HSP90B1: variants seen among roughly 807,000 people sequenced by gnomAD.
The protein encoded by HSP90B1 is endoplasmin.
In HSP90B1, 27 loss-of-function variants were observed where a neutral mutation model predicts 100.4. That is an observed-to-expected ratio of 0.27 (90% CI 0.20 to 0.37). The LOEUF (loss-of-function observed/expected upper bound fraction) is 0.37, where lower values mean the gene tolerates loss of function less well. Ranked by LOEUF, HSP90B1 falls within the 10% of genes least tolerant of loss-of-function variation. HSP90B1 has a pLI of 1.00. For synonymous variants in HSP90B1, 304 were observed against 330.8 expected (o/e 0.92, Z 0.88); for missense variants, 678 against 960.5 (o/e 0.71, Z 3.89).
intron 8 of HSP90B1, among the ~76,000 whole-genome samples, chr12:103,940,583 A>G (rs1056845995): frequency 6.6e-6 from 1 of 152,108 alleles, no homozygotes; most frequent in African/African-American, 2.4e-5. Context: ...CTTCACTTTT[A>G]TTTCCATAAA....
At chr12:103,947,493 G>T (rs1870273352) in intron 17 of HSP90B1, 63 bp downstream of exon 17, 2 of 1,613,354 alleles carry the variant, frequency 1.2e-6, no homozygotes, top group Non-Finnish European at 1.7e-6. Flanking sequence ...CAGAGTTTTA[G>T]TTCTGGCAAA....
chr12:103,946,077 T>TTAAA (rs894462741), intron 14 of HSP90B1, among the ~76,000 whole-genome samples: 1 of 152,230 alleles, frequency 6.6e-6, no homozygotes, highest in Admixed American at 6.5e-5. Flanking sequence ...CCCATGTACT[T>TTAAA]TAAATAATCT....
intron 14 of HSP90B1, 148 bp from the exon 15 acceptor site, chr12:103,946,470 C>A: frequency 1.6e-6 from 1 of 615,404 alleles, no homozygotes; most frequent in African/African-American, 1.9e-5. Flanking sequence ...CATATAAGTT[C>A]AAACCTGTGG....
Position 103,943,525 on chromosome 12 carries a change from T to C in HSP90B1, c.1890+206T>C. 5.7e-6 allele frequency: 4 copies of C among 701,020 alleles called. No individual in the cohort carries two copies. The South Asian group carries it at 8.7e-5, about 15-fold the overall frequency. The allele number at this position is 701,020 out of a possible 1,614,324, so 43.4% of individuals were successfully genotyped here. ...ACTTGTTACAAATTAAATTTTATGT[T>C]TTTAAAAGGTGGTATTTAAACTTCT... On this transcript the variant is annotated intron_variant, in intron 13 of 17. Transcript: ENST00000299767. The surrounding 1 kb of genome is among the most constrained non-coding windows in gnomAD (Gnocchi z 5.3).
chr12:103,930,678 G>C lies in HSP90B1; in HGVS notation c.49+114G>C. ...ATCCCGGGGCCTGCGGTGGGCCAAG[G>C]GACGTCACCATTCCTCGAAAGAGGG... On this transcript the variant is annotated intron_variant, in intron 1 of 17. Transcript: ENST00000299767. This position sits in a 1 kb window ranked among gnomAD's most constrained non-coding sequence, Gnocchi z 4.4. The C allele has an allele frequency of 1.1e-6, 1 of 897,772 alleles. No homozygotes were observed. The highest frequency in any genetic ancestry group is 1.7e-6 in the Non-Finnish European group (1 of 589,224). The allele number at this position is 897,772 out of a possible 1,614,324, so 55.6% of individuals were successfully genotyped here.
Position 103,932,376 on chromosome 12 carries a change from A to T in HSP90B1, c.252A>T (p.Arg84Ser). 1 of 1,613,244 alleles carries T rather than the reference A, an allele frequency of 6.2e-7. No homozygotes were observed. Among genetic ancestry groups the T allele is most frequent in the Non-Finnish European group, 8.5e-7 (1 of 1,179,576 alleles). The change falls in exon 3 of 18, where the codon AGA becomes AGT. Residue 84 changes from arginine to serine, a missense_variant. This residue lies in a region of HSP90B1 where 238 missense variants were observed against 346.7 expected (regional missense o/e 0.69). Transcript: ENST00000299767. ...EKFAFQAEVNRMMKLIINSLY... is the reference protein window; with the variant it reads ...EKFAFQAEVNSMMKLIINSLY... ...TTGCCTTCCAAGCCGAAGTTAACAG[A>T]ATGATGAAACTTATCATCAATTCAT... is the stretch of plus-strand genomic sequence containing the variant.
rs1162506371 is a variant in HSP90B1, at chr12:103,942,735, T to C, written c.1583T>C (p.Val528Ala). The C allele has an allele frequency of 2.5e-6, 4 of 1,613,822 alleles. No individual in the cohort carries two copies. Among genetic ancestry groups the C allele is most frequent in the South Asian group, 1.1e-5 (1 of 91,064 alleles). The change falls in exon 12 of 18, where the codon GTG becomes GCG. Residue 528 changes from valine (V) to alanine (A), a missense_variant. Val to Ala is a moderately conservative substitution (Grantham distance 64, BLOSUM62 0). Around this residue, in one of 8 missense-constraint regions of HSP90B1, gnomAD observed 170 missense variants for 236.7 expected, o/e 0.72. Coordinates refer to ENST00000299767, the MANE Select transcript of HSP90B1 (RefSeq NM_003299.3). ...PTDITSLDQY[V>A]ERMKEKQDKI... Reference sequence around the variant, plus strand: ...GACATTACTAGCCTAGACCAGTATGTGGAAAGAATGAAGGAAAAACAAGAC... The same window carrying C: ...GACATTACTAGCCTAGACCAGTATGCGGAAAGAATGAAGGAAAAACAAGAC...
chr12:103,947,461 T>G (rs1593493892), intron 17 of HSP90B1, 31 bp downstream of exon 17: 1 of 1,614,068 alleles, frequency 6.2e-7, no homozygotes, highest in East Asian at 2.2e-5. Context: ...GACTTGCATT[T>G]TCAGTTCTGG....
rs976089217 is a variant in HSP90B1, at chr12:103,941,910, G to A, written c.1374+13G>A. 6.2e-7 allele frequency: 1 copy of A among 1,605,632 alleles called. No individual in the cohort carries two copies. Among genetic ancestry groups the A allele is most frequent in the Non-Finnish European group, 8.5e-7 (1 of 1,172,552 alleles). The stretch of plus-strand genomic sequence containing the variant: ...TAAACTGCTTAAGGTAAGTGTCTCT[G>A]GGAAGAAACTCTCCACTTTGCTGTT... On this transcript the variant is annotated intron_variant, in intron 11 of 17. Coordinates refer to ENST00000299767, the MANE Select transcript of HSP90B1 (RefSeq NM_003299.3).
intron 5 of HSP90B1, among the ~76,000 whole-genome samples, chr12:103,935,478 T>C (rs1219296723): frequency 6.6e-6 from 1 of 152,094 alleles, no homozygotes; most frequent in Non-Finnish European, 1.5e-5. Context: ...CAGTTTTAAG[T>C]TTTCTTAACA....
intron 14 of HSP90B1, among the ~76,000 whole-genome samples, chr12:103,945,306 C>CT (rs1017423681): frequency 2.0e-5 from 3 of 152,050 alleles, no homozygotes; most frequent in Non-Finnish European, 4.4e-5. Flanking sequence ...GACTCCGTCT[C>CT]TTTTTTATTT....
rs753738651 is a variant in HSP90B1, at chr12:103,946,672, CAG to C, written c.2086_2087del (p.Asp696HisfsTer6). The C allele has an allele frequency of 1.2e-6, 2 of 1,613,998 alleles. No individual in the cohort carries two copies. The highest frequency in any genetic ancestry group is 8.5e-7 in the Non-Finnish European group (1 of 1,179,888). On this transcript the variant is annotated frameshift_variant, in exon 15 of 18. Transcript: ENST00000299767. LOFTEE classifies it high-confidence loss of function. Reference protein sequence around the residue: ...FEINPRHPLIRDMLRRIKEDE... With the variant: ...FEINPRHPLIXDMLRRIKEDE... ...AAATTAATCCCAGACACCCGCTGAT[CAG>C]AGACATGCTTCGACGAATTAAGGTA...
In HSP90B1 at chr12:103,943,288, A is replaced by G. The variant is rs1347335308; in HGVS notation, c.1859A>G (p.Asn620Ser). Residue 620 changes from asparagine (N) to serine (S), a missense_variant, in exon 13 of 18, where the codon AAT becomes AGT. By Grantham distance (46) the Asn-to-Ser change is conservative. Coordinates refer to ENST00000299767, the MANE Select transcript of HSP90B1 (RefSeq NM_003299.3). This position sits in a 1 kb window ranked among gnomAD's most constrained non-coding sequence, Gnocchi z 5.3. The part of the protein sequence containing the change: ...AVEKEFEPLL[N>S]WMKDKALKDK... Reference sequence around the variant, plus strand: ...GAGAAAGAATTTGAGCCTCTGCTGAATTGGATGAAAGATAAAGCCCTTAAG... The same window carrying G: ...GAGAAAGAATTTGAGCCTCTGCTGAGTTGGATGAAAGATAAAGCCCTTAAG... The G allele has an allele frequency of 1.2e-6, 2 of 1,614,142 alleles. No homozygotes were observed. Among genetic ancestry groups the G allele is most frequent in the South Asian group, 2.2e-5 (2 of 91,086 alleles).
Position 103,943,486 on chromosome 12 carries a change from C to A in HSP90B1, c.1890+167C>A. 1 of 719,474 alleles carries A rather than the reference C, an allele frequency of 1.4e-6. No individual in the cohort carries two copies. The highest frequency in any genetic ancestry group is 2.3e-6 in the Non-Finnish European group (1 of 444,290). The allele number at this position is 719,474 out of a possible 1,614,324, so 44.6% of individuals were successfully genotyped here. The stretch of plus-strand genomic sequence containing the variant: ...AGAAAGCTTAAAACTTTCGACAATA[C>A]TGCTTTGTTAATAACTTGTTACAAA... On this transcript the variant is annotated intron_variant, in intron 13 of 17. Transcript: ENST00000299767. This position sits in a 1 kb window ranked among gnomAD's most constrained non-coding sequence, Gnocchi z 5.3.
chr12:103,936,622 CAAAAAAA>C (rs10611658), intron 5 of HSP90B1, among the ~76,000 whole-genome samples: 1 of 116,824 alleles, frequency 8.6e-6, no homozygotes, highest in African/African-American at 3.2e-5. Context: ...GACAGAGGTC[CAAAAAAA>C]AAAAAAAAAA....
At chr12:103,932,100 A>T (rs993329128) in intron 2 of HSP90B1, 177 bp from the exon 3 acceptor site, 2 of 539,880 alleles carry the variant, frequency 3.7e-6, no homozygotes, top group Non-Finnish European at 3.2e-6. Context: ...GTGTAATGTT[A>T]AAGGTAGCCT....
Position 103,943,004 on chromosome 12 carries a change from A to C in HSP90B1, c.1645-70A>C. 3 of 1,560,760 alleles carry C rather than the reference A, an allele frequency of 1.9e-6. No homozygotes were observed. The highest frequency in any genetic ancestry group is 2.6e-6 in the Non-Finnish European group (3 of 1,149,126). On this transcript the variant is annotated intron_variant, in intron 12 of 17. Coordinates refer to ENST00000299767, the MANE Select transcript of HSP90B1 (RefSeq NM_003299.3). This position sits in a 1 kb window ranked among gnomAD's most constrained non-coding sequence, Gnocchi z 5.3. ...GGAGTTTTTAATAATGTATAAACAT[A>C]GCAGCTGCTAGGATAAACAAATACA... is the stretch of plus-strand genomic sequence containing the variant.
Position 103,946,629 on chromosome 12 carries a change from G to C in HSP90B1, c.2039G>C (p.Ser680Thr), listed in dbSNP as rs367709041. Residue 680 changes from serine to threonine, a missense_variant, in exon 15 of 18, where the codon AGT (serine) becomes ACT (threonine). Ser to Thr is a moderately conservative substitution (Grantham distance 58). This residue lies in a region of HSP90B1 where 64 missense variants were observed against 66.4 expected (regional missense o/e 0.96). Transcript: ENST00000299767. ...TTATCTCTTAACAGTTACTATGCGA[G>C]TCAGAAGAAAACATTTGAAATTAAT... ...GKDISTNYYA[S>T]QKKTFEINPR... is the part of the protein sequence containing the mutation. 11 of 1,613,038 alleles carry C rather than the reference G, an allele frequency of 6.8e-6. No individual in the cohort carries two copies. In the African/African-American group the frequency reaches 1.5e-4, roughly 22 times the overall value.
intron 6 of HSP90B1, 124 bp downstream of exon 6, chr12:103,937,930 G>A (rs1012143752): frequency 1.1e-5 from 6 of 552,826 alleles, no homozygotes; most frequent in Non-Finnish European, 2.0e-5. Flanking sequence ...ACTTTGGGAG[G>A]CCGAGACAGG....
Sources: gnomAD v4.1 joint callset for allele counts (sites outside exome capture counted in the v4.1 genomes callset) on GRCh38, gnomAD v4.1.1 for gene constraint, gnomAD v4.1.1 regional missense constraint, Gnocchi (gnomAD v3.1) non-coding constraint, MANE v1.5 for transcripts, NCBI Gene and HGNC (gene_info 2026-07-23, HGNC 2026-07-21) for gene names.